The following PLEKHA2 variants were observed in gnomAD, a reference collection of about 807,000 sequenced individuals.
PLEKHA2 encodes the protein pleckstrin homology domain containing A2, also known as pleckstrin homology domain-containing family A member 2.
In PLEKHA2, 28 loss-of-function variants were observed where a neutral mutation model predicts 53.2. The ratio of observed to expected loss-of-function variants is 0.53; its 90% CI spans 0.39 to 0.72. The LOEUF (loss-of-function observed/expected upper bound fraction) is 0.72, where lower values mean the gene tolerates loss of function less well. Ranked by LOEUF, PLEKHA2 falls within the 30% of genes least tolerant of loss-of-function variation. The probability of loss-of-function intolerance (pLI) is 0.00; values close to 1 mark genes in which losing one functional copy is unlikely to be tolerated. For synonymous variants in PLEKHA2, 193 were observed against 196.4 expected, an observed-to-expected ratio of 0.98 and a Z score of 0.14; for missense variants, 426 against 537.9, an observed-to-expected ratio of 0.79 and a Z score of 2.06.
intron 9 of PLEKHA2, among the ~76,000 whole-genome samples, chr8:38,955,985 A>AT (rs937886999): frequency 8.6e-5 from 13 of 150,890 alleles, no homozygotes; most frequent in Admixed American, 4.0e-4. Context: ...TCAGTTTTGT[A>AT]TTTTTTTTTA....
intron 1 of PLEKHA2, among the ~76,000 whole-genome samples, chr8:38,914,962 C>T (rs1407313650): frequency 6.6e-6 from 1 of 151,876 alleles, no homozygotes; most frequent in Non-Finnish European, 1.5e-5. Flanking sequence ...TATTCCTCTT[C>T]TTCTGACAGG....
intron 2 of PLEKHA2, among the ~76,000 whole-genome samples, chr8:38,925,715 G>C (rs542923922): frequency 7.2e-5 from 11 of 152,182 alleles, no homozygotes; most frequent in Non-Finnish European, 8.8e-5. Context: ...TAAGAAGATG[G>C]ATATTTGGTG....
At chr8:38,931,957 A>G (rs1297223486) in intron 2 of PLEKHA2, among the ~76,000 whole-genome samples, 1 of 152,102 alleles carries the variant, frequency 6.6e-6, no homozygotes, top group Non-Finnish European at 1.5e-5. Flanking sequence ...GGTGGGGGGA[A>G]GCTTGAGCGC....
At chr8:38,959,150 A>T (rs1390519591) in intron 10 of PLEKHA2, among the ~76,000 whole-genome samples, 1 of 152,012 alleles carries the variant, frequency 6.6e-6, no homozygotes, top group African/African-American at 2.4e-5. Context: ...AAAAAAAAAA[A>T]TGGTGTGATA....
intron 4 of PLEKHA2, 90 bp from the exon 5 acceptor site, chr8:38,946,033 TC>T (rs1564138511): frequency 1.0e-6 from 1 of 984,446 alleles, no homozygotes; most frequent in African/African-American, 1.6e-5. Flanking sequence ...CTCATCTCAC[TC>T]CCTCAAACAC....
intron 1 of PLEKHA2, among the ~76,000 whole-genome samples, chr8:38,914,478 C>T (rs1834001968): frequency 6.6e-6 from 1 of 152,222 alleles, no homozygotes; most frequent in Non-Finnish European, 1.5e-5. Flanking sequence ...CTCTAGCTCA[C>T]CTGCTGACCC....
At chr8:38,906,885 A>G (rs1437563151) in intron 1 of PLEKHA2, among the ~76,000 whole-genome samples, 1 of 152,184 alleles carries the variant, frequency 6.6e-6, no homozygotes, top group African/African-American at 2.4e-5. Context: ...CATGGTCCGT[A>G]TGTATTCTAG....
intron 5 of PLEKHA2, among the ~76,000 whole-genome samples, chr8:38,949,198 GGTAAATGACTCAACT>G (rs1238057015): frequency 6.6e-6 from 1 of 151,970 alleles, no homozygotes; most frequent in African/African-American, 2.4e-5. Context: ...CCTGGCTTTG[GGTAAATGACTCAACT>G]GTTCTGGACC....
At chr8:38,920,214 G>A (rs938910693) in intron 2 of PLEKHA2, among the ~76,000 whole-genome samples, 62 of 151,020 alleles carry the variant, frequency 4.1e-4, no homozygotes, top group African/African-American at 1.3e-3. Context: ...GCAGTGGCGC[G>A]ATCTCGGCTC....
In PLEKHA2 at chr8:38,969,586, C is replaced by A; in HGVS notation, c.1081C>A (p.Pro361Thr). 6.2e-7 allele frequency: 1 copy of A among 1,610,218 alleles called. No homozygotes were observed. The highest frequency in any genetic ancestry group is 8.5e-7 in the Non-Finnish European group (1 of 1,178,216). The change falls in exon 12 of 12, where the codon CCC becomes ACC. Residue 361 changes from proline (P) to threonine (T), a missense_variant. By Grantham distance (38) the Pro-to-Thr change is conservative. Coordinates refer to ENST00000617275, the MANE Select transcript of PLEKHA2 (RefSeq NM_021623.2). ...ASSWQPWTPV[P>T]QAGEKLLPPG... ...CTCCTGGCAGCCCTGGACACCTGTC[C>A]CCCAGGCTGGGGAGAAGCTGCTTCC...
At chr8:38,912,740 A>G (rs552272072) in intron 1 of PLEKHA2, among the ~76,000 whole-genome samples, 13 of 152,138 alleles carry the variant, frequency 8.5e-5, no homozygotes, top group Non-Finnish European at 1.5e-4. Flanking sequence ...TCAGGACCTG[A>G]GGTTCATGTT....
intron 2 of PLEKHA2, among the ~76,000 whole-genome samples, chr8:38,918,710 T>C (rs1834125401): frequency 7.4e-6 from 1 of 134,846 alleles, no homozygotes; most frequent in African/African-American, 2.9e-5. Context: ...CACACACGCA[T>C]GCACCTCATA....
chr8:38,968,513 C>CTA, intron 10 of PLEKHA2, 79 bp from the exon 11 acceptor site: 1 of 1,388,630 alleles, frequency 7.2e-7, no homozygotes, highest in East Asian at 2.3e-5. Context: ...ATTTTATAAA[C>CTA]TTAATATTGA....
intron 2 of PLEKHA2, among the ~76,000 whole-genome samples, chr8:38,919,628 G>A (rs13254784): frequency 0.45 from 67,876 of 152,046 alleles, 17,322 homozygotes; most frequent in African/African-American, 0.72. Context: ...CTAGGTCACT[G>A]TCCAGGGACT....
intron 10 of PLEKHA2, among the ~76,000 whole-genome samples, chr8:38,958,141 A>G (rs541895041): frequency 5.9e-5 from 9 of 152,156 alleles, no homozygotes; most frequent in East Asian, 3.9e-4. Context: ...CCTGGTCAAC[A>G]TGGTGAAAAC....
chr8:38,942,034 G>C (rs1204921221), intron 3 of PLEKHA2, among the ~76,000 whole-genome samples: 1 of 152,206 alleles, frequency 6.6e-6, no homozygotes, highest in East Asian at 1.9e-4. Flanking sequence ...CCTAACTGCT[G>C]TCAGCCAGGA....
At position 38,946,189 on chromosome 8, in the gene PLEKHA2, G is replaced by A; in HGVS notation, c.313G>A (p.Val105Ile). 6.2e-7 allele frequency: 1 copy of A among 1,606,628 alleles called. No individual in the cohort carries two copies. Among genetic ancestry groups the A allele is most frequent in the Non-Finnish European group, 8.5e-7 (1 of 1,176,326 alleles). ...TGATCAGAAAGATATGAAGGACTGG[G>A]TTGAAGCCCTGAACCAAGCCAGCAA... is the stretch of plus-strand genomic sequence containing the variant. ...ANDQKDMKDW[V>I]EALNQASKIT... The change falls in exon 5 of 12, where the codon GTT (valine) becomes ATT (isoleucine). Residue 105 changes from valine to isoleucine, a missense_variant. By Grantham distance (29) the Val-to-Ile change is conservative. Transcript: ENST00000617275.
chr8:38,969,315 T>TA (rs1835198025), intron 11 of PLEKHA2, 106 bp from the exon 12 acceptor site: 7 of 1,334,164 alleles, frequency 5.2e-6, no homozygotes, highest in Non-Finnish European at 7.1e-6. Context: ...TCCTTGGACT[T>TA]ATGAGGTGGT....
chr8:38,924,797 G>A (rs1237974655), intron 2 of PLEKHA2, among the ~76,000 whole-genome samples: 3 of 152,222 alleles, frequency 2.0e-5, no homozygotes, highest in South Asian at 4.1e-4. Flanking sequence ...GCGTGGGCCA[G>A]GCGCAGCCTT....
Sources: gnomAD v4.1 joint callset for allele counts (sites outside exome capture counted in the v4.1 genomes callset) on GRCh38, gnomAD v4.1.1 for gene constraint, MANE v1.5 for transcripts, NCBI Gene and HGNC (gene_info 2026-07-23, HGNC 2026-07-21) for gene names.